Variants in OGFOD1 observed in about 807,000 individuals in gnomAD.
OGFOD1 encodes the protein 2-oxoglutarate and iron dependent oxygenase domain containing 1.
OGFOD1 carries 54 observed loss-of-function variants against 67.7 expected under a neutral mutation model. The ratio of observed to expected loss-of-function variants is 0.80; its 90% CI spans 0.64 to 1.00. The LOEUF is 1.00. Ranked by LOEUF, OGFOD1 falls within the 50% of genes least tolerant of loss-of-function variation. The pLI, the probability that OGFOD1 is intolerant of heterozygous loss-of-function variation, is 0.00. For synonymous variants in OGFOD1, 221 were observed against 227.0 expected (o/e 0.97, Z 0.24); for missense variants, 606 against 646.7 (o/e 0.94, Z 0.68).
At chr16:56,469,297 G>T (rs1963040183) in intron 8 of OGFOD1, among the ~76,000 whole-genome samples, 1 of 152,232 alleles carries the variant, frequency 6.6e-6, no homozygotes, top group Admixed American at 6.5e-5. Context: ...GTTATACAGA[G>T]ATTGTCACGG....
At chr16:56,475,664 C>G (rs577952796) in intron 12 of OGFOD1, 99 bp downstream of exon 12, 1 of 929,088 alleles carries the variant, frequency 1.1e-6, no homozygotes, top group African/African-American at 1.6e-5. Flanking sequence ...GTGTCTTTAG[C>G]TAATAAATCT....
chr16:56,456,634 T>TA (rs1962532006), intron 2 of OGFOD1, among the ~76,000 whole-genome samples: 1 of 152,230 alleles, frequency 6.6e-6, no homozygotes, highest in Non-Finnish European at 1.5e-5. Context: ...CAGCAACAGA[T>TA]ACGATAGTGG....
chr16:56,473,834 TCTCG>T (rs1243840092), intron 10 of OGFOD1, among the ~76,000 whole-genome samples: 1 of 152,128 alleles, frequency 6.6e-6, no homozygotes, highest in African/African-American at 2.4e-5. Context: ...TGAGGTGGAC[TCTCG>T]CTCTGTCACC....
intron 8 of OGFOD1, among the ~76,000 whole-genome samples, chr16:56,469,431 CG>C (rs1567552447): frequency 6.6e-6 from 1 of 152,092 alleles, no homozygotes; most frequent in Non-Finnish European, 1.5e-5. Flanking sequence ...AGCAGATTGA[CG>C]TAAGGTATAT....
At chr16:56,454,748 TTCTCTC>T in intron 2 of OGFOD1, 1 of 431,856 alleles carries the variant, frequency 2.3e-6, no homozygotes, top group Non-Finnish European at 4.6e-6. Flanking sequence ...AATAACGAAT[TTCTCTC>T]TCTTATTCTT....
chr16:56,475,400 A>C (rs761399995), intron 11 of OGFOD1, 107 bp from the exon 12 acceptor site: 67 of 990,122 alleles, frequency 6.8e-5, no homozygotes, highest in Non-Finnish European at 9.8e-5. Flanking sequence ...TTACTGCTGA[A>C]CTCCCAGATC....
In OGFOD1 at chr16:56,453,624, C is replaced by G. The variant is rs1214572508; in HGVS notation, c.300+216C>G. 4 of 392,416 alleles carry G rather than the reference C, an allele frequency of 1.0e-5. No individual in the cohort carries two copies. In the East Asian group the frequency reaches 1.2e-4, roughly 12 times the overall value. The allele number at this position is 392,416 out of a possible 1,614,324, so 24.3% of individuals were successfully genotyped here. The stretch of plus-strand genomic sequence containing the variant: ...TATGGAAGCCTTAGACAGTGCCTGC[C>G]CTGTAAGACTTTAAAATCTAGTGTT... On this transcript the variant is annotated intron_variant, in intron 2 of 12. Coordinates refer to ENST00000566157, the MANE Select transcript of OGFOD1 (RefSeq NM_018233.4).
intron 4 of OGFOD1, 56 bp from the exon 5 acceptor site, chr16:56,466,096 A>G: frequency 1.7e-6 from 2 of 1,188,740 alleles, no homozygotes; most frequent in Non-Finnish European, 2.5e-6. Context: ...ATGCAGAGTC[A>G]GGTGTCAGCT....
intron 8 of OGFOD1, 65 bp from the exon 9 acceptor site, chr16:56,469,938 C>A: frequency 1.5e-6 from 2 of 1,377,246 alleles, no homozygotes; most frequent in Non-Finnish European, 2.1e-6. Flanking sequence ...GCTGCTGTAC[C>A]TGCCAAACCA....
intron 3 of OGFOD1, among the ~76,000 whole-genome samples, chr16:56,462,086 C>CT (rs1224700540): frequency 1.3e-5 from 2 of 149,196 alleles, no homozygotes; most frequent in African/African-American, 2.5e-5. Context: ...GAGCAAGACT[C>CT]TATCTCAAAA....
chr16:56,469,974 G>A, intron 8 of OGFOD1, 29 bp from the exon 9 acceptor site: 1 of 1,605,774 alleles, frequency 6.2e-7, no homozygotes, highest in African/African-American at 1.3e-5. Context: ...GAGATCTGCT[G>A]AATGCTTCTT....
At position 56,477,549 on chromosome 16, in the gene OGFOD1, T is replaced by G. The variant is rs1963537331; in HGVS notation, c.*1344T>G. On this transcript the variant is annotated 3_prime_UTR_variant, in exon 13 of 13. Transcript: ENST00000566157. ...TAGGGTCAACTATATAACTAATTGC[T>G]TTTTATTTTAAGAGACGGAATGCTA... The G allele has an allele frequency of 6.6e-6, 1 of 152,350 alleles. No homozygotes were observed. Among genetic ancestry groups the G allele is most frequent in the African/African-American group, 2.4e-5 (1 of 41,570 alleles). 9.4% of individuals were successfully genotyped at this position (152,350 alleles called of 1,614,324 possible).
At chr16:56,454,889 T>A in intron 2 of OGFOD1, 2 of 323,308 alleles carry the variant, frequency 6.2e-6, no homozygotes, top group Non-Finnish European at 6.2e-6. Flanking sequence ...CTCTTAATAA[T>A]TCAGAAAGCT....
At chr16:56,473,934 G>A (rs1963328108) in intron 10 of OGFOD1, among the ~76,000 whole-genome samples, 1 of 151,946 alleles carries the variant, frequency 6.6e-6, no homozygotes, top group African/African-American at 2.4e-5. Flanking sequence ...AGCCTCCTAA[G>A]TAGCTGGGAT....
At position 56,466,234 on chromosome 16, in the gene OGFOD1, C is replaced by T. The variant is rs150966017; in HGVS notation, c.531C>T (p.Ser177=). ...ILYLVPPWDR[S]MGGTLDLYSI... is the part of the protein sequence containing the mutation. ...ACCTGGTTCCTCCCTGGGACAGGAGCATGGGTGGTACCCTGGACCTGTACA... is the reference window on the plus strand; with the variant it reads ...ACCTGGTTCCTCCCTGGGACAGGAGTATGGGTGGTACCCTGGACCTGTACA... Residue 177 remains serine (S), a synonymous_variant, in exon 5 of 13, where the codon AGC becomes AGT. Transcript: ENST00000566157. 3.7e-6 allele frequency: 6 copies of T among 1,613,822 alleles called. No individual in the cohort carries two copies. In the African/African-American group the frequency reaches 6.7e-5, roughly 18 times the overall value.
intron 2 of OGFOD1, among the ~76,000 whole-genome samples, chr16:56,456,233 C>T (rs1195302175): frequency 6.6e-6 from 1 of 152,074 alleles, no homozygotes; most frequent in Admixed American, 6.6e-5. Context: ...CTTGGTTTCT[C>T]TTCTTCCTCA....
rs1963583263 is a variant in OGFOD1, at chr16:56,478,722, T to C, written c.*2517T>C. The C allele has an allele frequency of 6.6e-6, 1 of 152,212 alleles. No individual in the cohort carries two copies. The highest frequency in any genetic ancestry group is 2.1e-4 in the South Asian group (1 of 4,834). 9.4% of individuals were successfully genotyped at this position (152,212 alleles called of 1,614,324 possible). ...ACCTCACAAGTGTTAAAATGTGCTT[T>C]TTAGTGTCTCCTTTATCTCAGTGTG... On this transcript the variant is annotated 3_prime_UTR_variant, in exon 13 of 13. Transcript: ENST00000566157.
Position 56,470,525 on chromosome 16 carries a change from T to C in OGFOD1, c.1019T>C (p.Ile340Thr). The change falls in exon 10 of 13, where the codon ATA becomes ACA. Residue 340 changes from isoleucine to threonine, a missense_variant. By Grantham distance (89) the Ile-to-Thr change is moderately conservative. Transcript: ENST00000566157. The stretch of plus-strand genomic sequence containing the variant: ...GCTGAGGAGAGTAAGCTTCCTGAGA[T>C]ATTGAAGGAGTGCATGAAGTTATTT... ...EKAEESKLPE[I>T]LKECMKLFRS... The C allele has an allele frequency of 6.2e-7, 1 of 1,613,812 alleles. No homozygotes were observed. Among genetic ancestry groups the C allele is most frequent in the South Asian group, 1.1e-5 (1 of 91,022 alleles).
chr16:56,471,439 C>T (rs751373321), intron 10 of OGFOD1, among the ~76,000 whole-genome samples: 53 of 151,940 alleles, frequency 3.5e-4, no homozygotes, highest in Non-Finnish European at 5.1e-4. Flanking sequence ...CTCTGAGGAG[C>T]GCCATTTAAG....
Sources: allele counts gnomAD v4.1 joint callset (sites outside exome capture counted in the v4.1 genomes callset), GRCh38; gene constraint gnomAD v4.1.1; transcripts MANE v1.5; gene names NCBI Gene and HGNC (gene_info 2026-07-23, HGNC 2026-07-21).